The following AQR variants were observed in gnomAD, a reference collection of about 807,000 sequenced individuals.
AQR encodes aquarius intron-binding spliceosomal factor.
In AQR, 61 loss-of-function variants were observed where a neutral mutation model predicts 180.5. That is an observed-to-expected ratio of 0.34 (90% CI 0.28 to 0.42). AQR has a LOEUF of 0.42. Among genes scored for constraint, AQR ranks in the 10% least tolerant of loss-of-function variants. The pLI, the probability that AQR is intolerant of heterozygous loss-of-function variation, is 1.00. For synonymous variants in AQR, 551 were observed against 588.8 expected, an observed-to-expected ratio of 0.94 and a Z score of 0.93; for missense variants, 1,281 against 1,798.3, an observed-to-expected ratio of 0.71 and a Z score of 5.20.
At chr15:34,876,559 A>C (rs1302869612) in intron 27 of AQR, among the ~76,000 whole-genome samples, 2 of 152,016 alleles carry the variant, frequency 1.3e-5, no homozygotes, top group African/African-American at 2.4e-5. Context: ...CCACTCTAAA[A>C]ATCCAAGCCA....
In AQR at chr15:34,869,946, CATTTTTTCCTATAA is replaced by C. The variant is rs564540283; in HGVS notation, c.3768+792_3768+805del. Reference sequence around the variant, plus strand: ...ATCCTATCTATGTTTTGCTGTTCTTCATTTTTTCCTATAAATTGAGCTTGTGCTAGTTCCCTTTA... The same window carrying C: ...ATCCTATCTATGTTTTGCTGTTCTTCATTGAGCTTGTGCTAGTTCCCTTTA... On this transcript the variant is annotated intron_variant, in intron 31 of 34. Coordinates refer to ENST00000156471, the MANE Select transcript of AQR (RefSeq NM_014691.3). The C allele has an allele frequency of 1.3e-4, 20 of 152,270 alleles. No individual in the cohort carries two copies. The East Asian group carries it at 3.1e-3, about 23-fold the overall frequency. The allele number at this position is 152,270 out of a possible 1,614,324, so 9.4% of individuals were successfully genotyped here.
At chr15:34,923,735 T>C (rs541766763) in intron 13 of AQR, among the ~76,000 whole-genome samples, 4 of 152,294 alleles carry the variant, frequency 2.6e-5, no homozygotes, top group Admixed American at 2.6e-4. Flanking sequence ...ACTAACCATA[T>C]AGGTATGGTC....
At chr15:34,934,404 T>C (rs1028115949) in intron 10 of AQR, among the ~76,000 whole-genome samples, 167 bp downstream of exon 10, 2 of 149,022 alleles carry the variant, frequency 1.3e-5, no homozygotes, top group East Asian at 3.9e-4. Context: ...AAAGGAAATA[T>C]ATACCTTTCC....
chr15:34,916,439 T>C (rs1893588050), intron 15 of AQR, among the ~76,000 whole-genome samples: 1 of 67,538 alleles, frequency 1.5e-5, no homozygotes, highest in Non-Finnish European at 4.7e-5. Context: ...TTGTCCATAC[T>C]ACCAAAAAAA....
At chr15:34,968,883 A>G (rs1424079524) in intron 1 of AQR, among the ~76,000 whole-genome samples, 3 of 152,240 alleles carry the variant, frequency 2.0e-5, no homozygotes, top group Non-Finnish European at 4.4e-5. Context: ...GGTGGGCATG[A>G]TAACTTCTAC....
intron 3 of AQR, among the ~76,000 whole-genome samples, chr15:34,953,356 C>G (rs765143083): frequency 6.6e-6 from 1 of 152,186 alleles, no homozygotes; most frequent in Non-Finnish European, 1.5e-5. Context: ...CATACTTACG[C>G]TGTCCCGAAG....
At chr15:34,940,830 A>G (rs1045358629) in intron 8 of AQR, 69 bp downstream of exon 8, 4 of 1,193,256 alleles carry the variant, frequency 3.4e-6, no homozygotes, top group Non-Finnish European at 4.9e-6. Context: ...ACAACAAACC[A>G]GTCAACATCA....
intron 29 of AQR, 115 bp downstream of exon 29, chr15:34,874,562 C>G (rs1236115720): frequency 7.8e-7 from 1 of 1,286,586 alleles, no homozygotes; most frequent in Non-Finnish European, 1.1e-6. Flanking sequence ...TATGGATAGC[C>G]AAGTTCCTGG....
intron 4 of AQR, 35 bp from the exon 5 acceptor site, chr15:34,948,419 G>A: frequency 6.2e-7 from 1 of 1,601,654 alleles, no homozygotes. Flanking sequence ...TACTTCATTA[G>A]TTACCACCAC....
intron 3 of AQR, among the ~76,000 whole-genome samples, chr15:34,954,245 CTCATGTATAAAAA>C (rs1192445320): frequency 2.0e-5 from 3 of 152,018 alleles, no homozygotes; most frequent in Non-Finnish European, 4.4e-5. Context: ...ATTCAGTTTC[CTCATGTATAAAAA>C]TGGTAGAGCA....
intron 22 of AQR, 39 bp from the exon 23 acceptor site, chr15:34,893,812 T>C: frequency 6.5e-7 from 1 of 1,534,028 alleles, no homozygotes; most frequent in Non-Finnish European, 9.0e-7. Context: ...TACTAAGTCA[T>C]CACAGTTATC....
At chr15:34,955,127 T>TAATA (rs921290525) in intron 3 of AQR, among the ~76,000 whole-genome samples, 32 of 151,942 alleles carry the variant, frequency 2.1e-4, no homozygotes, top group African/African-American at 7.5e-4. Context: ...CGTCTCAAAA[T>TAATA]AATAAATAAA....
At chr15:34,916,650 C>CA (rs893031918) in intron 15 of AQR, among the ~76,000 whole-genome samples, 4 of 151,316 alleles carry the variant, frequency 2.6e-5, no homozygotes, top group African/African-American at 4.9e-5. Flanking sequence ...ACTAATAGCA[C>CA]AAAAAAAGAG....
intron 3 of AQR, among the ~76,000 whole-genome samples, chr15:34,959,319 T>C (rs1260361042): frequency 6.6e-6 from 1 of 152,146 alleles, no homozygotes; most frequent in Non-Finnish European, 1.5e-5. Flanking sequence ...TACGCCACCA[T>C]GTCCAGCTAA....
rs980634812 is a variant in AQR at position 34,862,773 on chromosome 15, T to C, written c.4029+94A>G. On this transcript the variant is annotated intron_variant, in intron 33 of 34. Transcript: ENST00000156471. ...TCTAAAACAGGGACTAAATTATCTA[T>C]AATAATGTTCCAAGCTAATGTGGTC... 1.7e-5 allele frequency: 22 copies of C among 1,322,406 alleles called. No individual in the cohort carries two copies. In the African/African-American group the frequency reaches 3.3e-4, roughly 20 times the overall value. 81.9% of individuals were successfully genotyped at this position (1,322,406 alleles called of 1,614,324 possible).
chr15:34,889,785 G>A (rs575971576), intron 24 of AQR, among the ~76,000 whole-genome samples: 26 of 151,996 alleles, frequency 1.7e-4, no homozygotes, highest in South Asian at 6.2e-4. Flanking sequence ...ATTCTCCTGC[G>A]TCAGCCTCCC....
At chr15:34,863,315 TA>T (rs1159788080) in intron 32 of AQR, 2 of 262,958 alleles carry the variant, frequency 7.6e-6, no homozygotes, top group Admixed American at 9.5e-5. Flanking sequence ...AATATATTAG[TA>T]TTACAGTAGA....
At chr15:34,862,024 T>C (rs78772505) in intron 33 of AQR, among the ~76,000 whole-genome samples, 2,047 of 152,120 alleles carry the variant, frequency 0.013, 51 homozygotes, top group African/African-American at 0.047. Context: ...AAAAGTAACA[T>C]ATCTCTTCTC....
intron 4 of AQR, among the ~76,000 whole-genome samples, chr15:34,950,751 A>C (rs78675550): frequency 6.6e-6 from 1 of 152,024 alleles, no homozygotes; most frequent in Non-Finnish European, 1.5e-5. Context: ...ATATTACCCT[A>C]ATGTGCTCTG....
Sources: gnomAD v4.1 joint callset for allele counts (sites outside exome capture counted in the v4.1 genomes callset) on GRCh38, gnomAD v4.1.1 for gene constraint, MANE v1.5 for transcripts, NCBI Gene and HGNC (gene_info 2026-07-23, HGNC 2026-07-21) for gene names.